The following DST variants were observed in gnomAD, a reference collection of about 807,000 sequenced individuals.
DST encodes bullous pemphigoid antigen.
Under a neutral mutation model 875.2 loss-of-function variants are expected in DST, and 253 were observed. That is an observed-to-expected ratio of 0.29 (90% CI 0.26 to 0.32). The LOEUF (loss-of-function observed/expected upper bound fraction) is 0.32. Among genes scored for constraint, DST ranks in the 10% least tolerant of loss-of-function variants. The probability of loss-of-function intolerance (pLI) is 1.00; values close to 1 mark genes in which losing one functional copy is unlikely to be tolerated. For missense variants in DST, 8,287 were observed against 9,111.6 expected, an observed-to-expected ratio of 0.91 and a Z score of 3.68; for synonymous variants, 3,124 against 3,197.1, an observed-to-expected ratio of 0.98 and a Z score of 0.77.
At chr6:56,766,213 A>G (rs34966024) in intron 4 of DST, among the ~76,000 whole-genome samples, 2 of 152,034 alleles carry the variant, frequency 1.3e-5, no homozygotes, top group Non-Finnish European at 2.9e-5. Context: ...ATACAGTATA[A>G]AAAGCATGTT....
intron 28 of DST, among the ~76,000 whole-genome samples, chr6:56,632,374 T>C (rs2098788543): frequency 6.6e-6 from 1 of 152,120 alleles, no homozygotes; most frequent in Admixed American, 6.5e-5. Context: ...TCCTTAAAAG[T>C]AAATATTAGG....
chr6:56,704,463 C>A, intron 5 of DST, 94 bp from the exon 6 acceptor site: 1 of 619,460 alleles, frequency 1.6e-6, no homozygotes, highest in Non-Finnish European at 2.8e-6. Context: ...AAACATTCCT[C>A]ACATGGTATT....
intron 69 of DST, among the ~76,000 whole-genome samples, chr6:56,522,198 T>G (rs1455356638): frequency 6.6e-6 from 1 of 152,098 alleles, no homozygotes; most frequent in East Asian, 1.9e-4. Context: ...ATGCAATACC[T>G]CCTTTAATCC....
Position 56,640,138 on chromosome 6 carries a change from T to C in DST, c.2490+5A>G. On this transcript the variant is annotated splice_donor_5th_base_variant and intron_variant, in intron 18 of 103. Transcript: ENST00000680361. ...AACACTCAGGTAAAGTAAACATTTT[T>C]TTACCTGCATCTCATCAACCCAATT... is the stretch of plus-strand genomic sequence containing the variant. The C allele has an allele frequency of 6.2e-7, 1 of 1,613,876 alleles. No individual in the cohort carries two copies. Among genetic ancestry groups the C allele is most frequent in the Non-Finnish European group, 8.5e-7 (1 of 1,179,806 alleles).
At chr6:56,718,314 C>T (rs1046994815) in intron 5 of DST, among the ~76,000 whole-genome samples, 7 of 152,154 alleles carry the variant, frequency 4.6e-5, no homozygotes, top group African/African-American at 1.2e-4. Flanking sequence ...TGAAAAGATG[C>T]TCAACATTAT....
chr6:56,612,624 C>T (rs2098554478), intron 37 of DST, among the ~76,000 whole-genome samples: 1 of 152,040 alleles, frequency 6.6e-6, no homozygotes, highest in Admixed American at 6.5e-5. Flanking sequence ...TATATTTTCC[C>T]CCATGAAGTC....
rs537025185 is a variant in DST, at chr6:56,805,579, T to C, written c.625+45818A>G. On this transcript the variant is annotated intron_variant, in intron 4 of 103. Coordinates refer to ENST00000680361, the MANE Select transcript of DST (RefSeq NM_001374736.1). ...AACTATCAATTTGGTTAAATGATTTTTATTGAATAAGACAAGCATGGGATG... is the reference window on the plus strand; with the variant it reads ...AACTATCAATTTGGTTAAATGATTTCTATTGAATAAGACAAGCATGGGATG... Among the ~76,000 whole-genome samples the C allele has an allele frequency of 3.3e-5, 5 of 152,344 alleles. No individual in the cohort carries two copies. The South Asian group carries it at 1.0e-3, about 32-fold the overall frequency.
intron 27 of DST, 147 bp from the exon 28 acceptor site, chr6:56,633,184 A>C (rs1314009096): frequency 1.4e-6 from 1 of 704,768 alleles, no homozygotes; most frequent in Non-Finnish European, 2.4e-6. Context: ...TTTCATTAAC[A>C]ATTTTAGGTG....
In DST at chr6:56,597,721, T is replaced by G. The variant is rs1436220172; in HGVS notation, c.12195+19A>C. 2.5e-6 allele frequency: 4 copies of G among 1,602,414 alleles called. No homozygotes were observed. The highest frequency in any genetic ancestry group is 3.4e-6 in the Non-Finnish European group (4 of 1,171,962). ...CTGGAAATAGAATTGAACGATATCA[T>G]ATGTTTATAACAACACACCTTAACT... is the stretch of plus-strand genomic sequence containing the variant. On this transcript the variant is annotated intron_variant, in intron 47 of 103. Transcript: ENST00000680361.
chr6:56,924,098 C>T (rs1031065458), intron 2 of DST, among the ~76,000 whole-genome samples: 6 of 151,944 alleles, frequency 3.9e-5, no homozygotes, highest in Middle Eastern at 3.2e-3. Flanking sequence ...CTCTCCAGCC[C>T]GGGCGATAGA....
In DST at chr6:56,704,370, C is replaced by G; in HGVS notation, c.688-1G>C. The G allele has an allele frequency of 6.5e-7, 1 of 1,529,328 alleles. No homozygotes were observed. The highest frequency in any genetic ancestry group is 8.8e-7 in the Non-Finnish European group (1 of 1,133,660). 94.7% of individuals were successfully genotyped at this position (1,529,328 alleles called of 1,614,324 possible). ...AGAGATCATTCACATGTTTTCGAAC[C>G]TATAAAGAGAAAAGCAAAATTTGGG... On this transcript the variant is annotated splice_acceptor_variant, in intron 5 of 103. Coordinates refer to ENST00000680361, the MANE Select transcript of DST (RefSeq NM_001374736.1). LOFTEE classifies it high-confidence loss of function.
In DST at chr6:56,532,436, T is replaced by G. The variant is rs2096912333; in HGVS notation, c.17016A>C (p.Thr5672=). 3 of 1,613,122 alleles carry G rather than the reference T, an allele frequency of 1.9e-6. No homozygotes were observed. The highest frequency in any genetic ancestry group is 8.5e-7 in the Non-Finnish European group (1 of 1,179,478). Residue 5672 remains threonine, a synonymous_variant, in exon 64 of 104, where the codon ACA becomes ACC. Coordinates refer to ENST00000680361, the MANE Select transcript of DST (RefSeq NM_001374736.1). ...TCACTTTATCTGCGGGCTCTGCTGT[T>G]GTAGCAATTTTTTCTCCTTCTCGTT... ...VIKREGEKIA[T]TAEPADKVKI... is the part of the protein sequence containing the mutation.
chr6:56,475,394 A>AAC (rs35690052), intron 92 of DST, among the ~76,000 whole-genome samples: 18,500 of 144,782 alleles, frequency 0.13, 1,208 homozygotes, highest in Non-Finnish European at 0.15. Flanking sequence ...AGGCTTTTAA[A>AAC]ACACACACAC....
Position 56,629,278 on chromosome 6 carries a change from G to T in DST, c.4447C>A (p.Gln1483Lys). The change falls in exon 32 of 104, where the codon CAA becomes AAA. Residue 1483 changes from glutamine (Q) to lysine (K), a missense_variant. Gln to Lys is a moderately conservative substitution (Grantham distance 53). Around this residue, in one of 10 missense-constraint regions of DST, gnomAD observed 3,138 missense variants for 3,116.6 expected, o/e 1.01. Transcript: ENST00000680361. The stretch of plus-strand genomic sequence containing the variant: ...TTGTCAATCTGCACATGAACATTTT[G>T]CCACCTTTCAACTAATTGATCTGCT... ...EKADQLVERW[Q>K]NVHVQIDNRL... 1.2e-6 allele frequency: 2 copies of T among 1,613,648 alleles called. No homozygotes were observed. The highest frequency in any genetic ancestry group is 1.7e-6 in the Non-Finnish European group (2 of 1,179,728).
At chr6:56,727,425 C>T (rs1008907106) in intron 5 of DST, among the ~76,000 whole-genome samples, 3 of 152,216 alleles carry the variant, frequency 2.0e-5, no homozygotes, top group African/African-American at 7.2e-5. Flanking sequence ...AGACCTGTCA[C>T]AGAACACACA....
At chr6:56,844,079 CGGGGG>C (rs1169930472) in intron 4 of DST, 1 of 152,418 alleles carries the variant, frequency 6.6e-6, no homozygotes, top group Non-Finnish European at 1.5e-5. Flanking sequence ...AAGGGATGAT[CGGGGG>C]GAGGGTTGGA....
At chr6:56,620,286 G>C (rs779271284) in intron 36 of DST, 1 of 1,613,858 alleles carries the variant, frequency 6.2e-7, no homozygotes, top group Non-Finnish European at 8.5e-7. Flanking sequence ...TCCAGTGTTC[G>C]TCTGGTAAAG....
intron 4 of DST, among the ~76,000 whole-genome samples, chr6:56,828,737 A>G (rs2099783682): frequency 6.6e-6 from 1 of 152,150 alleles, no homozygotes; most frequent in South Asian, 2.1e-4. Context: ...CAGCATACTC[A>G]ATGTTTACAT....
In DST at chr6:56,602,636, T is replaced by C. The variant is rs553443620; in HGVS notation, c.11307+246A>G. Among the ~76,000 whole-genome samples the C allele has an allele frequency of 3.3e-5, 5 of 152,076 alleles. 1 individual carries two copies. The South Asian group carries it at 8.3e-4, about 25-fold the overall frequency. ...TGTGACTAACACATAAATAAATATA[T>C]AAATAAAAATCTCAACATGTCAGTG... On this transcript the variant is annotated intron_variant, in intron 43 of 103. Transcript: ENST00000680361.
Sources: gnomAD v4.1 joint callset for allele counts (sites outside exome capture counted in the v4.1 genomes callset) on GRCh38, gnomAD v4.1.1 for gene constraint, gnomAD v4.1.1 regional missense constraint, MANE v1.5 for transcripts, NCBI Gene and HGNC (gene_info 2026-07-23, HGNC 2026-07-21) for gene names.